The following CNTNAP4 variants were observed in gnomAD, a reference collection of about 807,000 sequenced individuals.
CNTNAP4 encodes contactin associated protein family member 4.
A neutral mutation model predicts 148.4 loss-of-function variants in CNTNAP4; 98 were observed. The ratio of observed to expected loss-of-function variants is 0.66; its 90% CI spans 0.56 to 0.78. The LOEUF (loss-of-function observed/expected upper bound fraction) is 0.78. CNTNAP4 is among the 30% of genes least tolerant of loss of function. CNTNAP4 has a pLI of 0.00. For missense variants in CNTNAP4, 1,935 were observed against 1,565.6 expected, an observed-to-expected ratio of 1.24 and a Z score of -3.98; for synonymous variants, 730 against 565.1, an observed-to-expected ratio of 1.29 and a Z score of -4.14.
At chr16:76,454,192 G>A (rs1463375405) in intron 8 of CNTNAP4, among the ~76,000 whole-genome samples, 5 of 146,452 alleles carry the variant, frequency 3.4e-5, no homozygotes, top group African/African-American at 1.0e-4. Flanking sequence ...TCAGCTCACC[G>A]CAACCTCCGC....
intron 15 of CNTNAP4, among the ~76,000 whole-genome samples, chr16:76,515,396 T>C (rs2083207937): frequency 6.6e-6 from 1 of 152,122 alleles, no homozygotes; most frequent in South Asian, 2.1e-4. Context: ...CCTAATTCAA[T>C]AGGACCAGTG....
chr16:76,451,829 G>A (rs1351117437), intron 7 of CNTNAP4, among the ~76,000 whole-genome samples: 5 of 152,124 alleles, frequency 3.3e-5, no homozygotes, highest in Middle Eastern at 3.4e-3. Context: ...ACAGTAGGGC[G>A]ACTATAGTTA....
intron 3 of CNTNAP4, among the ~76,000 whole-genome samples, chr16:76,410,510 A>T (rs1404293672): frequency 1.3e-5 from 2 of 151,742 alleles, no homozygotes; most frequent in Non-Finnish European, 3.0e-5. Flanking sequence ...GCAAGTGGGC[A>T]GGTGTTATTA....
At chr16:76,549,226 C>G (rs1358055832) in intron 21 of CNTNAP4, among the ~76,000 whole-genome samples, 3 of 152,074 alleles carry the variant, frequency 2.0e-5, no homozygotes, top group African/African-American at 7.2e-5. Flanking sequence ...TCCCTGGGCC[C>G]CATGGGGAAA....
chr16:76,439,225 C>T (rs933473202), intron 4 of CNTNAP4, among the ~76,000 whole-genome samples: 1 of 152,148 alleles, frequency 6.6e-6, no homozygotes, highest in Admixed American at 6.5e-5. Context: ...TCTGATTATC[C>T]ATGATGTAAA....
chr16:76,399,637 C>G (rs1295579145), intron 3 of CNTNAP4, among the ~76,000 whole-genome samples: 1 of 152,102 alleles, frequency 6.6e-6, no homozygotes, highest in Non-Finnish European at 1.5e-5. Flanking sequence ...AAAAGAGTAT[C>G]TTTTGCATTT....
chr16:76,348,045 G>A (rs776751582), intron 2 of CNTNAP4, among the ~76,000 whole-genome samples: 7 of 152,100 alleles, frequency 4.6e-5, no homozygotes, highest in Non-Finnish European at 7.4e-5. Flanking sequence ...CAAGAATCCA[G>A]GGTTGAATAA....
chr16:76,498,441 C>T (rs1022790662), intron 14 of CNTNAP4, 126 bp from the exon 15 acceptor site: 1 of 608,240 alleles, frequency 1.6e-6, no homozygotes, highest in South Asian at 2.6e-5. Context: ...TTTTTATGTG[C>T]TCCGATGAGT....
intron 3 of CNTNAP4, among the ~76,000 whole-genome samples, chr16:76,373,488 C>T (rs1182546859): frequency 6.6e-6 from 1 of 152,106 alleles, no homozygotes; most frequent in Non-Finnish European, 1.5e-5. Context: ...TAAATTTACT[C>T]CTTTCAGAAA....
At chr16:76,425,621 CTG>C (rs1160574236) in intron 3 of CNTNAP4, among the ~76,000 whole-genome samples, 1 of 151,806 alleles carries the variant, frequency 6.6e-6, no homozygotes, top group African/African-American at 2.4e-5. Context: ...ACTTTAGAGA[CTG>C]TGATCAAAAA....
intron 3 of CNTNAP4, among the ~76,000 whole-genome samples, chr16:76,367,178 C>G (rs1226443742): frequency 6.6e-6 from 1 of 151,762 alleles, no homozygotes; most frequent in Non-Finnish European, 1.5e-5. Context: ...CATTGAAAAG[C>G]TTAATACATA....
chr16:76,522,988 C>T (rs2083553569), intron 17 of CNTNAP4, among the ~76,000 whole-genome samples: 1 of 151,956 alleles, frequency 6.6e-6, no homozygotes, highest in Non-Finnish European at 1.5e-5. Flanking sequence ...TGGTCTTGAA[C>T]TCCTGACCTC....
chr16:76,347,172 AG>A (rs1457505435), intron 2 of CNTNAP4, among the ~76,000 whole-genome samples: 3 of 140,602 alleles, frequency 2.1e-5, no homozygotes, highest in Non-Finnish European at 4.6e-5. Flanking sequence ...TGTGTATCTC[AG>A]TTGAGTGCTT....
At chr16:76,472,418 C>G (rs1215940056) in intron 10 of CNTNAP4, among the ~76,000 whole-genome samples, 9 of 152,060 alleles carry the variant, frequency 5.9e-5, no homozygotes, top group Non-Finnish European at 2.9e-5. Flanking sequence ...GTATCACAAC[C>G]ATTTAAGAGT....
chr16:76,345,050 A>G (rs1964791646), intron 2 of CNTNAP4, among the ~76,000 whole-genome samples: 1 of 152,240 alleles, frequency 6.6e-6, no homozygotes, highest in African/African-American at 2.4e-5. Flanking sequence ...ACACTATGAC[A>G]TTTAGTGACC....
chr16:76,557,126 G>A (rs1042292972), intron 23 of CNTNAP4, among the ~76,000 whole-genome samples: 1 of 152,134 alleles, frequency 6.6e-6, no homozygotes, highest in Non-Finnish European at 1.5e-5. Context: ...GATCTTATCA[G>A]AAAATTCTTT....
chr16:76,384,066 T>C (rs8061544), intron 3 of CNTNAP4, among the ~76,000 whole-genome samples: 30,294 of 151,948 alleles, frequency 0.2, 3,537 homozygotes, highest in East Asian at 0.46. Context: ...TTTTTTGAGA[T>C]GGAGTCTCGC....
intron 1 of CNTNAP4, among the ~76,000 whole-genome samples, chr16:76,288,673 C>G (rs1272162314): frequency 6.6e-6 from 1 of 152,162 alleles, no homozygotes; most frequent in Non-Finnish European, 1.5e-5. Context: ...TTTTGAAAGA[C>G]AGAAGTATTA....
chr16:76,281,661 A>G (rs1323232989), intron 1 of CNTNAP4, among the ~76,000 whole-genome samples: 1 of 152,084 alleles, frequency 6.6e-6, no homozygotes, highest in Non-Finnish European at 1.5e-5. Flanking sequence ...AAATAGATTA[A>G]TAGAATTATA....
Sources: gnomAD v4.1 joint callset for allele counts (sites outside exome capture counted in the v4.1 genomes callset) on GRCh38, gnomAD v4.1.1 for gene constraint, MANE v1.5 for transcripts, NCBI Gene and HGNC (gene_info 2026-07-23, HGNC 2026-07-21) for gene names.